PTPRO: variants seen among roughly 807,000 people sequenced by gnomAD.
PTPRO encodes the protein protein tyrosine phosphatase receptor type O.
Under a neutral mutation model 145.2 loss-of-function variants are expected in PTPRO, and 62 were observed. That is an observed-to-expected ratio of 0.43 (90% CI 0.35 to 0.53). PTPRO has a LOEUF of 0.53. Ranked by LOEUF, PTPRO falls within the 20% of genes least tolerant of loss-of-function variation. The pLI, the probability that PTPRO is intolerant of heterozygous loss-of-function variation, is 0.01. For missense variants in PTPRO, 1,345 were observed against 1,482.7 expected (o/e 0.91, Z 1.53); for synonymous variants, 565 against 514.7 (o/e 1.10, Z -1.32).
intron 1 of PTPRO, among the ~76,000 whole-genome samples, chr12:15,404,225 G>T (rs1216279597): frequency 6.9e-6 from 1 of 145,700 alleles, no homozygotes; most frequent in African/African-American, 2.5e-5. Flanking sequence ...GTGTTTGGTT[G>T]TTTGGTACAT....
At chr12:15,356,978 A>G (rs1041192714) in intron 1 of PTPRO, among the ~76,000 whole-genome samples, 4 of 152,066 alleles carry the variant, frequency 2.6e-5, no homozygotes, top group African/African-American at 9.7e-5. Context: ...CCTTCATTCT[A>G]TTGTCTATCC....
intron 9 of PTPRO, among the ~76,000 whole-genome samples, chr12:15,518,052 C>T (rs1212822901): frequency 6.6e-6 from 1 of 152,192 alleles, no homozygotes; most frequent in African/African-American, 2.4e-5. Flanking sequence ...GGCATGAGGT[C>T]CCTGCCCTGC....
At chr12:15,499,007 A>C (rs1041936596) in intron 3 of PTPRO, among the ~76,000 whole-genome samples, 2 of 152,186 alleles carry the variant, frequency 1.3e-5, no homozygotes, top group African/African-American at 4.8e-5. Context: ...ACTGGCAAAT[A>C]AACCAGTTTT....
intron 3 of PTPRO, among the ~76,000 whole-genome samples, chr12:15,498,245 G>A (rs2136463518): frequency 6.6e-6 from 1 of 152,224 alleles, no homozygotes; most frequent in Non-Finnish European, 1.5e-5. Context: ...TAGTTTTTCT[G>A]AGACACTATT....
intron 1 of PTPRO, among the ~76,000 whole-genome samples, chr12:15,326,611 T>C (rs1866452982): frequency 6.6e-6 from 1 of 152,254 alleles, no homozygotes; most frequent in African/African-American, 2.4e-5. Context: ...ATATCCAACT[T>C]AAAGGTATTT....
intron 1 of PTPRO, among the ~76,000 whole-genome samples, chr12:15,433,453 G>A (rs1274047598): frequency 6.6e-6 from 1 of 152,142 alleles, no homozygotes; most frequent in Non-Finnish European, 1.5e-5. Flanking sequence ...AAAGTGCTGG[G>A]ATTACAGGCG....
At chr12:15,548,304 G>A (rs796937264) in intron 13 of PTPRO, among the ~76,000 whole-genome samples, 24 of 152,258 alleles carry the variant, frequency 1.6e-4, no homozygotes, top group African/African-American at 4.3e-4. Flanking sequence ...AATGTAGGGA[G>A]GCAGGCATTG....
chr12:15,429,975 T>C (rs1940388774), intron 1 of PTPRO, among the ~76,000 whole-genome samples: 1 of 152,132 alleles, frequency 6.6e-6, no homozygotes, highest in Non-Finnish European at 1.5e-5. Context: ...ATTTATTTTC[T>C]GAAACAGAGA....
At chr12:15,514,575 G>A (rs138401293) in intron 7 of PTPRO, among the ~76,000 whole-genome samples, 4 of 151,564 alleles carry the variant, frequency 2.6e-5, no homozygotes, top group African/African-American at 7.3e-5. Flanking sequence ...AGGATATCTC[G>A]ATGCTTAGCA....
At chr12:15,580,232 A>G (rs1179868713) in intron 21 of PTPRO, 117 bp downstream of exon 21, 1 of 809,984 alleles carries the variant, frequency 1.2e-6, no homozygotes, top group Non-Finnish European at 2.0e-6. Context: ...CAGCAATTGA[A>G]TTCTAAAAAG....
chr12:15,514,191 C>T (rs1163474419), intron 7 of PTPRO, among the ~76,000 whole-genome samples: 1 of 152,028 alleles, frequency 6.6e-6, no homozygotes, highest in African/African-American at 2.4e-5. Flanking sequence ...TGGCTCATGC[C>T]TGTAATCCTA....
At chr12:15,516,983 T>C in intron 9 of PTPRO, 27 bp downstream of exon 9, 1 of 1,585,238 alleles carries the variant, frequency 6.3e-7, no homozygotes, top group South Asian at 1.1e-5. Context: ...CAACTGTCAG[T>C]CTTTCCTATG....
In PTPRO at chr12:15,539,514, C is replaced by A. The variant is rs77455207; in HGVS notation, c.2165-7055C>A. 1.4e-3 allele frequency among the ~76,000 whole-genome samples: 208 copies of A among 152,048 alleles called. 2 individuals carry two copies. The East Asian group carries it at 0.038, about 28-fold the overall frequency. ...AGTGGCTCACTGCCTGTAATCCCAG[C>A]ACTTTGGGAGGCCGAGGCGGGCAGA... On this transcript the variant is annotated intron_variant, in intron 12 of 26. Coordinates refer to ENST00000281171, the MANE Select transcript of PTPRO (RefSeq NM_030667.3).
intron 24 of PTPRO, among the ~76,000 whole-genome samples, chr12:15,587,357 A>C (rs1372514586): frequency 6.6e-6 from 1 of 152,326 alleles, no homozygotes; most frequent in East Asian, 1.9e-4. Flanking sequence ...ATTCAAATCC[A>C]GGCATGCCAA....
chr12:15,520,225 T>A lies in PTPRO; in HGVS notation c.1804T>A (p.Trp602Arg). The A allele has an allele frequency of 6.2e-7, 1 of 1,613,864 alleles. No individual in the cohort carries two copies. Among genetic ancestry groups the A allele is most frequent in the Non-Finnish European group, 8.5e-7 (1 of 1,179,792 alleles). ...SVRIANLLPA[W>R]YYNFRVTMVT... is the part of the protein sequence containing the mutation. ...GAGAATAGCTAATCTGCTGCCAGCATGGTACTACAACTTCCGGGTTACCAT... is the reference window on the plus strand; with the variant it reads ...GAGAATAGCTAATCTGCTGCCAGCAAGGTACTACAACTTCCGGGTTACCAT... Residue 602 changes from tryptophan to arginine, a missense_variant, in exon 10 of 27, where the codon TGG (tryptophan) becomes AGG (arginine). Trp to Arg is a moderately radical substitution (Grantham distance 101). Around this residue, in one of 3 missense-constraint regions of PTPRO, gnomAD observed 1,130 missense variants for 1,214.7 expected, o/e 0.93. Transcript: ENST00000281171.
intron 1 of PTPRO, among the ~76,000 whole-genome samples, chr12:15,413,827 T>C (rs1425721316): frequency 6.6e-6 from 1 of 151,660 alleles, no homozygotes; most frequent in Non-Finnish European, 1.5e-5. Context: ...TAAAAACAAA[T>C]AAATAAATAA....
At chr12:15,493,533 T>C (rs1199154796) in intron 2 of PTPRO, among the ~76,000 whole-genome samples, 1 of 151,938 alleles carries the variant, frequency 6.6e-6, no homozygotes, top group Non-Finnish European at 1.5e-5. Flanking sequence ...GAAAGCTGAT[T>C]GACCAAAAAA....
intron 1 of PTPRO, among the ~76,000 whole-genome samples, chr12:15,475,550 G>C (rs1403855287): frequency 6.6e-6 from 1 of 152,084 alleles, no homozygotes; most frequent in Non-Finnish European, 1.5e-5. Context: ...TTAGGTCTTT[G>C]AGATACAAAA....
intron 1 of PTPRO, among the ~76,000 whole-genome samples, chr12:15,405,920 A>G (rs992488471): frequency 1.3e-5 from 2 of 152,204 alleles, no homozygotes; most frequent in Non-Finnish European, 2.9e-5. Flanking sequence ...TTGTAATACA[A>G]TATTTTCAAT....
Sources: gnomAD v4.1 joint callset for allele counts (sites outside exome capture counted in the v4.1 genomes callset) on GRCh38, gnomAD v4.1.1 for gene constraint, gnomAD v4.1.1 regional missense constraint, MANE v1.5 for transcripts, NCBI Gene and HGNC (gene_info 2026-07-23, HGNC 2026-07-21) for gene names.